CD46: variants seen among roughly 807,000 people sequenced by gnomAD.
CD46 encodes the protein membrane cofactor protein.
CD46 carries 30 observed loss-of-function variants against 53.3 expected under a neutral mutation model. That is an observed-to-expected ratio of 0.56 (90% CI 0.42 to 0.76). CD46 has a LOEUF of 0.76. Ranked by LOEUF, CD46 falls within the 30% of genes least tolerant of loss-of-function variation. The pLI is 0.00. For missense variants in CD46, 409 were observed against 463.0 expected (o/e 0.88, Z 1.07); for synonymous variants, 142 against 152.0 (o/e 0.93, Z 0.48).
At chr1:207,756,310 G>A (rs1655530701) in intron 1 of CD46, among the ~76,000 whole-genome samples, 2 of 152,192 alleles carry the variant, frequency 1.3e-5, no homozygotes, top group African/African-American at 4.8e-5. Context: ...AAAAGCAACA[G>A]ACTCATCAGG....
intron 8 of CD46, 38 bp from the exon 9 acceptor site, chr1:207,783,254 T>G: frequency 8.9e-7 from 1 of 1,120,886 alleles, no homozygotes. Flanking sequence ...TCTTTCCTTC[T>G]TTTATTAATT....
chr1:207,776,587 C>T (rs186038146), intron 8 of CD46, among the ~76,000 whole-genome samples: 5 of 152,158 alleles, frequency 3.3e-5, no homozygotes, highest in Non-Finnish European at 5.9e-5. Flanking sequence ...AAAATAACAT[C>T]TTGTTTTAAT....
At chr1:207,768,386 T>C (rs2102602398) in intron 7 of CD46, 1 of 153,320 alleles carries the variant, frequency 6.5e-6, no homozygotes, top group Admixed American at 6.5e-5. Context: ...ATTGCAGGAC[T>C]CTTTCATTTC....
chr1:207,774,842 G>T (rs1365714351), intron 8 of CD46, among the ~76,000 whole-genome samples: 2 of 152,168 alleles, frequency 1.3e-5, no homozygotes, highest in African/African-American at 4.8e-5. Context: ...CAACCTTGGT[G>T]AATCTGACGA....
At chr1:207,774,742 T>TGAGACATCCGCC (rs1558066129) in intron 8 of CD46, among the ~76,000 whole-genome samples, 1 of 152,254 alleles carries the variant, frequency 6.6e-6, no homozygotes, top group Non-Finnish European at 1.5e-5. Context: ...GGGTTTCTGC[T>TGAGACATCCGCC]GAGACATCCG....
chr1:207,752,282 A>G lies in CD46; in HGVS notation c.70A>G (p.Met24Val), dbSNP rs750342865. 8.2e-5 allele frequency: 133 copies of G among 1,613,888 alleles called. No individual in the cohort carries two copies. The highest frequency in any genetic ancestry group is 1.1e-4 in the Non-Finnish European group (126 of 1,179,980). Residue 24 changes from methionine (M) to valine (V), a missense_variant, in exon 1 of 13, where the codon ATG becomes GTG. Met to Val is a conservative substitution (Grantham distance 21). Coordinates refer to ENST00000367042, the MANE Select transcript of CD46 (RefSeq NM_172351.3). The surrounding 1 kb of genome is among the most constrained non-coding windows in gnomAD (Gnocchi z 4.1). ...CTTTCCTGGGTTGCTTCTGGCGGCC[A>G]TGGTGTTGCTGCTGTACTCCTTCTC... Reference protein sequence around the residue: ...WRFPGLLLAAMVLLLYSFSDA... With the variant: ...WRFPGLLLAAVVLLLYSFSDA...
At chr1:207,763,737 A>T (rs1185195741) in intron 5 of CD46, among the ~76,000 whole-genome samples, 1 of 151,838 alleles carries the variant, frequency 6.6e-6, no homozygotes, top group East Asian at 1.9e-4. Context: ...TAGAGCCTAC[A>T]CAGTTTAGTT....
intron 1 of CD46, among the ~76,000 whole-genome samples, chr1:207,756,373 T>C (rs934629205): frequency 2.0e-5 from 3 of 152,240 alleles, no homozygotes; most frequent in African/African-American, 7.2e-5. Flanking sequence ...CCTGTCCTTT[T>C]AGGGCAACTT....
At chr1:207,784,542 C>A (rs1659090449) in intron 9 of CD46, among the ~76,000 whole-genome samples, 1 of 152,140 alleles carries the variant, frequency 6.6e-6, no homozygotes, top group South Asian at 2.1e-4. Flanking sequence ...TAGAAGGGTT[C>A]TATGATCAAA....
intron 3 of CD46, among the ~76,000 whole-genome samples, chr1:207,758,165 G>A (rs41317063): frequency 0.023 from 3,497 of 152,246 alleles, 131 homozygotes; most frequent in African/African-American, 0.078. Flanking sequence ...CTCGGTAATA[G>A]CCTTTGTTCT....
At chr1:207,765,991 A>C (rs1477815622) in intron 5 of CD46, among the ~76,000 whole-genome samples, 1 of 152,236 alleles carries the variant, frequency 6.6e-6, no homozygotes, top group Non-Finnish European at 1.5e-5. Flanking sequence ...GAACTGATTC[A>C]TGCAGCAACA....
chr1:207,765,371 CA>C (rs1489279690), intron 5 of CD46, among the ~76,000 whole-genome samples: 1 of 151,958 alleles, frequency 6.6e-6, no homozygotes, highest in Non-Finnish European at 1.5e-5. Context: ...CTTCATGGTT[CA>C]AAAAAATTAT....
At chr1:207,768,718 A>G (rs552944381) in intron 7 of CD46, 1 of 152,324 alleles carries the variant, frequency 6.6e-6, no homozygotes, top group East Asian at 1.9e-4. Context: ...TGATTTCAGC[A>G]CTACCATCTC....
chr1:207,780,461 G>C (rs922847584), intron 8 of CD46, among the ~76,000 whole-genome samples: 1 of 151,976 alleles, frequency 6.6e-6, no homozygotes. Context: ...CTAGACACTT[G>C]GGTTGGTTTG....
In CD46 at chr1:207,757,624, A is replaced by G. The variant is rs750114717; in HGVS notation, c.371A>G (p.His124Arg). Residue 124 changes from histidine to arginine, a missense_variant, in exon 3 of 13, where the codon CAC becomes CGC. By Grantham distance (29) the His-to-Arg change is conservative (BLOSUM62 0). Transcript: ENST00000367042. ...NGTYEFGYQM[H>R]FICNEGYYLI... The stretch of plus-strand genomic sequence containing the variant: ...ACTTACGAGTTTGGTTATCAGATGC[A>G]CTTTATTTGTAATGAGGGGTAAGTT... The G allele has an allele frequency of 8.1e-6, 13 of 1,607,166 alleles. No homozygotes were observed. The highest frequency in any genetic ancestry group is 1.1e-5 in the Non-Finnish European group (13 of 1,174,900).
intron 1 of CD46, 130 bp from the exon 2 acceptor site, chr1:207,756,884 G>A: frequency 2.7e-6 from 2 of 742,068 alleles, no homozygotes; most frequent in Non-Finnish European, 4.8e-6. Flanking sequence ...TAAAAGCATG[G>A]AACAGTCATT....
intron 5 of CD46, 98 bp downstream of exon 5, chr1:207,761,544 T>G: frequency 1.1e-6 from 1 of 927,852 alleles, no homozygotes; most frequent in Non-Finnish European, 1.7e-6. Flanking sequence ...TGTATGTGCT[T>G]CCTCCTCCTG....
chr1:207,781,068 A>G (rs1347703334), intron 8 of CD46, among the ~76,000 whole-genome samples: 3 of 151,318 alleles, frequency 2.0e-5, no homozygotes, highest in East Asian at 1.9e-4. Context: ...CGCCACCCCA[A>G]TAACATTACA....
At chr1:207,788,564 T>C (rs1659499386) in intron 11 of CD46, among the ~76,000 whole-genome samples, 1 of 152,058 alleles carries the variant, frequency 6.6e-6, no homozygotes, top group Non-Finnish European at 1.5e-5. Context: ...ATTATTTTCT[T>C]TGCACTGTTT....
Sources: allele counts gnomAD v4.1 joint callset (sites outside exome capture counted in the v4.1 genomes callset), GRCh38; gene constraint gnomAD v4.1.1; non-coding constraint Gnocchi (gnomAD v3.1); transcripts MANE v1.5; gene names NCBI Gene and HGNC (gene_info 2026-07-23, HGNC 2026-07-21).